Variants in WDFY2 observed in about 807,000 individuals in gnomAD.
The protein encoded by WDFY2 is WD repeat and FYVE domain-containing protein 2.
A neutral mutation model predicts 56.4 loss-of-function variants in WDFY2; 36 were observed. The ratio of observed to expected loss-of-function variants is 0.64; its 90% CI spans 0.49 to 0.84. WDFY2 has a LOEUF of 0.84. Ranked by LOEUF, WDFY2 falls within the 40% of genes least tolerant of loss-of-function variation. The pLI, the probability that WDFY2 is intolerant of heterozygous loss-of-function variation, is 0.00. For missense variants in WDFY2, 444 were observed against 512.2 expected, an observed-to-expected ratio of 0.87 and a Z score of 1.29; for synonymous variants, 176 against 183.7, an observed-to-expected ratio of 0.96 and a Z score of 0.34.
In WDFY2 at chr13:51,760,295, TC is replaced by T. The variant is rs1953540831; in HGVS notation, c.*528del. 6.6e-6 allele frequency: 1 copy of T among 152,302 alleles called. No individual in the cohort carries two copies. Among genetic ancestry groups the T allele is most frequent in the African/African-American group, 2.4e-5 (1 of 41,434 alleles). The allele number at this position is 152,302 out of a possible 1,614,324, so 9.4% of individuals were successfully genotyped here. On this transcript the variant is annotated 3_prime_UTR_variant, in exon 12 of 12. Coordinates refer to ENST00000298125, the MANE Select transcript of WDFY2 (RefSeq NM_052950.4). ...TCCCAGTGTTTCTGCTTTCATGTCCTCCTCAGTGGAGAGATTTGGAAACTCA... is the reference window on the plus strand; with the variant it reads ...TCCCAGTGTTTCTGCTTTCATGTCCTCTCAGTGGAGAGATTTGGAAACTCA...
chr13:51,709,115 A>T (rs1238484774), intron 4 of WDFY2, among the ~76,000 whole-genome samples: 5 of 152,244 alleles, frequency 3.3e-5, no homozygotes, highest in African/African-American at 1.2e-4. Flanking sequence ...TAGGCAGAGA[A>T]TCAGTAAAGT....
chr13:51,650,861 T>C (rs1236719195), intron 1 of WDFY2, among the ~76,000 whole-genome samples: 1 of 152,176 alleles, frequency 6.6e-6, no homozygotes, highest in African/African-American at 2.4e-5. Flanking sequence ...TCAGGGATAT[T>C]GGTCTAAAAT....
chr13:51,632,840 C>G (rs1954977259), intron 1 of WDFY2, among the ~76,000 whole-genome samples: 1 of 152,162 alleles, frequency 6.6e-6, no homozygotes, highest in African/African-American at 2.4e-5. Flanking sequence ...TTGCTAGCTT[C>G]TCTGTTCACT....
intron 1 of WDFY2, among the ~76,000 whole-genome samples, chr13:51,617,178 A>C (rs1954635126): frequency 6.6e-6 from 1 of 152,168 alleles, no homozygotes; most frequent in Non-Finnish European, 1.5e-5. Context: ...CTCTAACTTA[A>C]TCTATTTAAT....
At chr13:51,651,558 T>C (rs1198246442) in intron 1 of WDFY2, among the ~76,000 whole-genome samples, 1 of 152,266 alleles carries the variant, frequency 6.6e-6, no homozygotes, top group Non-Finnish European at 1.5e-5. Context: ...TATTTAGTGC[T>C]ATAAATTTCC....
chr13:51,756,534 G>A lies in WDFY2; in HGVS notation c.1064+72G>A, dbSNP rs529468746. 525 of 1,521,716 alleles carry A rather than the reference G, an allele frequency of 3.5e-4. 4 individuals are homozygous for A. The highest frequency in any genetic ancestry group is 2.3e-3 in the South Asian group (179 of 77,786). The allele number at this position is 1,521,716 out of a possible 1,614,324, so 94.3% of individuals were successfully genotyped here. The stretch of plus-strand genomic sequence containing the variant: ...TAATCTGAGCCTTGCACTCAGCGCC[G>A]CAACCATCACTCAGGTTGCTCTAGT... On this transcript the variant is annotated intron_variant, in intron 10 of 11. Coordinates refer to ENST00000298125, the MANE Select transcript of WDFY2 (RefSeq NM_052950.4).
intron 4 of WDFY2, among the ~76,000 whole-genome samples, chr13:51,709,374 C>T (rs922438055): frequency 6.6e-6 from 1 of 152,150 alleles, no homozygotes; most frequent in African/African-American, 2.4e-5. Flanking sequence ...ATCTCTGGGA[C>T]AGGTGCAGTG....
intron 1 of WDFY2, among the ~76,000 whole-genome samples, chr13:51,607,811 G>T (rs1425862211): frequency 1.3e-5 from 2 of 152,142 alleles, no homozygotes; most frequent in African/African-American, 4.8e-5. Context: ...CTAGTCCCCA[G>T]ATCCTGTGAT....
intron 1 of WDFY2, among the ~76,000 whole-genome samples, chr13:51,597,545 A>C (rs1419365027): frequency 6.6e-6 from 1 of 152,202 alleles, no homozygotes; most frequent in Non-Finnish European, 1.5e-5. Flanking sequence ...TTGCTTAAAA[A>C]GTTTATCTGT....
chr13:51,734,910 G>A (rs1593462045), intron 6 of WDFY2, among the ~76,000 whole-genome samples: 2 of 152,318 alleles, frequency 1.3e-5, no homozygotes, highest in East Asian at 3.9e-4. Flanking sequence ...TAGAAACACT[G>A]GAAAACCACA....
chr13:51,701,576 A>G (rs897016291), intron 3 of WDFY2, among the ~76,000 whole-genome samples: 4 of 151,820 alleles, frequency 2.6e-5, no homozygotes, highest in Non-Finnish European at 5.9e-5. Context: ...AATTTTCTCC[A>G]TAATTATATG....
At chr13:51,642,180 T>C (rs2138405775) in intron 1 of WDFY2, among the ~76,000 whole-genome samples, 1 of 152,368 alleles carries the variant, frequency 6.6e-6, no homozygotes, top group South Asian at 2.1e-4. Flanking sequence ...TTTGTCTCTG[T>C]GAATACCGTA....
chr13:51,733,355 G>C (rs1233147974), intron 6 of WDFY2, among the ~76,000 whole-genome samples: 2 of 152,172 alleles, frequency 1.3e-5, no homozygotes, highest in Admixed American at 1.3e-4. Flanking sequence ...TGTTTAAATA[G>C]CACCTTAAGG....
chr13:51,701,520 C>CA (rs368134096), intron 3 of WDFY2, among the ~76,000 whole-genome samples: 9,113 of 79,188 alleles, frequency 0.12, 517 homozygotes, highest in Middle Eastern at 0.2. Context: ...GATTCCATCT[C>CA]AAAAAAAAAA....
intron 1 of WDFY2, among the ~76,000 whole-genome samples, chr13:51,606,201 A>G (rs548388755): frequency 8.1e-4 from 123 of 152,354 alleles, no homozygotes; most frequent in Admixed American, 2.4e-3. Context: ...ATTTTTAGAT[A>G]TTACAGAAAT....
rs150709091 is a variant in WDFY2 at position 51,752,029 on chromosome 13, A to G, written c.831+614A>G. ...GTACTTTGAAGTTAACCATTTTCCA[A>G]TTACGTTAGAATTATTCTGGGTAGA... On this transcript the variant is annotated intron_variant, in intron 8 of 11. Coordinates refer to ENST00000298125, the MANE Select transcript of WDFY2 (RefSeq NM_052950.4). Among the ~76,000 whole-genome samples, 3 of 152,314 alleles carry G rather than the reference A, an allele frequency of 2.0e-5. No homozygotes were observed. The East Asian group carries it at 5.8e-4, about 29-fold the overall frequency.
intron 6 of WDFY2, among the ~76,000 whole-genome samples, chr13:51,736,738 G>T (rs531793636): frequency 6.6e-6 from 1 of 152,152 alleles, no homozygotes; most frequent in Non-Finnish European, 1.5e-5. Context: ...TGATCAGCCC[G>T]CCTTGGCCTC....
chr13:51,660,978 G>A (rs1340178130), intron 2 of WDFY2, among the ~76,000 whole-genome samples: 2 of 152,080 alleles, frequency 1.3e-5, no homozygotes, highest in African/African-American at 4.8e-5. Context: ...ATGTCCTTAG[G>A]CAATTCAAAA....
rs1039671942 is a variant in WDFY2 at position 51,688,179 on chromosome 13, G to A, written c.279+12936G>A. ...CAGCCAGTGTCTGTTCTGATTAGCC[G>A]GTGTCCATGCCAACCATTTGGTCCT... On this transcript the variant is annotated intron_variant, in intron 3 of 11. Transcript: ENST00000298125. 4.6e-5 allele frequency among the ~76,000 whole-genome samples: 7 copies of A among 152,142 alleles called. No homozygotes were observed. In the East Asian group the frequency reaches 5.8e-4, roughly 13 times the overall value.
Sources: allele counts gnomAD v4.1 joint callset (sites outside exome capture counted in the v4.1 genomes callset), GRCh38; gene constraint gnomAD v4.1.1; transcripts MANE v1.5; gene names NCBI Gene and HGNC (gene_info 2026-07-23, HGNC 2026-07-21).